Variants in RFTN1 observed in about 807,000 individuals in gnomAD.
The protein encoded by RFTN1 is raftlin.
RFTN1 carries 26 observed loss-of-function variants against 46.5 expected under a neutral mutation model. The observed-to-expected ratio is 0.56, with a 90% CI of 0.41 to 0.78. RFTN1 has a LOEUF of 0.78. Among genes scored for constraint, RFTN1 ranks in the 30% least tolerant of loss-of-function variants. The pLI is 0.00. For synonymous variants in RFTN1, 261 were observed against 284.2 expected, an observed-to-expected ratio of 0.92 and a Z score of 0.82; for missense variants, 693 against 718.7, an observed-to-expected ratio of 0.96 and a Z score of 0.41.
rs1453606633 is a variant in RFTN1, at chr3:16,493,793, G to A, written c.77C>T (p.Pro26Leu). ...PGNIYSTLKR[P>L]QVETKIDVSY... ...CACATCTATCTTGGTTTCCACCTGA[G>A]GCCTCTTCAAAGTTGAATAAATATT... Residue 26 changes from proline (P) to leucine (L), a missense_variant, in exon 2 of 10, where the codon CCT (proline) becomes CTT (leucine). Transcript: ENST00000334133. 3.7e-6 allele frequency: 6 copies of A among 1,613,976 alleles called. No homozygotes were observed. The highest frequency in any genetic ancestry group is 5.1e-6 in the Non-Finnish European group (6 of 1,180,006).
intron 9 of RFTN1, among the ~76,000 whole-genome samples, chr3:16,319,650 C>G (rs868681744): frequency 2.0e-5 from 3 of 152,304 alleles, no homozygotes; most frequent in Middle Eastern, 3.4e-3. Context: ...CCCCTGGATG[C>G]CTGGCCACAT....
chr3:16,469,896 G>A (rs1235681231), intron 2 of RFTN1, among the ~76,000 whole-genome samples: 2 of 152,312 alleles, frequency 1.3e-5, no homozygotes, highest in Admixed American at 1.3e-4. Context: ...GGTTTATTCT[G>A]CCCCAGCCGC....
chr3:16,478,888 G>C (rs920018419), intron 2 of RFTN1, among the ~76,000 whole-genome samples: 3 of 152,218 alleles, frequency 2.0e-5, no homozygotes, highest in Non-Finnish European at 2.9e-5. Context: ...GAGTAATCAA[G>C]AGAGAGCGGG....
intron 2 of RFTN1, among the ~76,000 whole-genome samples, chr3:16,488,905 C>A (rs936417753): frequency 2.6e-5 from 4 of 152,172 alleles, no homozygotes; most frequent in Admixed American, 2.6e-4. Flanking sequence ...CCTGTGATAG[C>A]CAAAACCTGG....
rs1170424656 is a variant in RFTN1, at chr3:16,512,191, G to A, written c.-9+1251C>T. The stretch of plus-strand genomic sequence containing the variant: ...TTCAGAGATACAAATTAGGAATCCC[G>A]GCAGCAGAGAGGCCCTACCCACAGG... On this transcript the variant is annotated intron_variant, in intron 1 of 9. Transcript: ENST00000334133. This position sits in a 1 kb window ranked among gnomAD's most constrained non-coding sequence, Gnocchi z 4.3. 6.6e-6 allele frequency among the ~76,000 whole-genome samples: 1 copy of A among 152,090 alleles called. No homozygotes were observed. Among genetic ancestry groups the A allele is most frequent in the Admixed American group, 6.6e-5 (1 of 15,266 alleles).
Position 16,428,071 on chromosome 3 carries a change from C to T in RFTN1, c.332+5780G>A, listed in dbSNP as rs577228044. ...ATAAGTTTCTTGAGATCTAGGAGCTCCTTAGAGTCATCTTTGCATAGTGAA... is the reference window on the plus strand; with the variant it reads ...ATAAGTTTCTTGAGATCTAGGAGCTTCTTAGAGTCATCTTTGCATAGTGAA... On this transcript the variant is annotated intron_variant, in intron 3 of 9. Transcript: ENST00000334133. The surrounding 1 kb of genome is among the most constrained non-coding windows in gnomAD (Gnocchi z 4.7). Among the ~76,000 whole-genome samples, 36 of 152,242 alleles carry T rather than the reference C, an allele frequency of 2.4e-4. 3 individuals carry two copies. In the South Asian group the frequency reaches 6.6e-3, roughly 28 times the overall value.
chr3:16,411,553 A>G (rs2074980902), intron 3 of RFTN1, among the ~76,000 whole-genome samples: 1 of 152,238 alleles, frequency 6.6e-6, no homozygotes, highest in African/African-American at 2.4e-5. Context: ...GAATAAACCA[A>G]TTCTGAACCC....
rs3054539 is a variant in RFTN1 at position 16,387,570 on chromosome 3, T to TTC, written c.442-9470_442-9469dup. The stretch of plus-strand genomic sequence containing the variant: ...CACTTCTCTCTTCTATATCCTCAAT[T>TTC]TCTCTCTCTCTCTCTCTCTCTCTCT... On this transcript the variant is annotated intron_variant, in intron 4 of 9. Coordinates refer to ENST00000334133, the MANE Select transcript of RFTN1 (RefSeq NM_015150.2). The surrounding 1 kb of genome is among the most constrained non-coding windows in gnomAD (Gnocchi z 5.2). Among the ~76,000 whole-genome samples the TTC allele has an allele frequency of 0.023, 2,646 of 116,414 alleles. 81 individuals are homozygous for TTC. Among genetic ancestry groups the TTC allele is most frequent in the African/African-American group, 0.039 (1,005 of 25,576 alleles). 76.4% of individuals were successfully genotyped at this position (116,414 alleles called of 152,430 possible). A position where few individuals can be genotyped will look rare whatever the true frequency, so the allele number is the denominator to read the frequency against.
rs751733068 is a variant in RFTN1, at chr3:16,428,937, T to G, written c.332+4914A>C. Among the ~76,000 whole-genome samples the G allele has an allele frequency of 6.6e-6, 1 of 152,242 alleles. No homozygotes were observed. The highest frequency in any genetic ancestry group is 1.5e-5 in the Non-Finnish European group (1 of 68,038). On this transcript the variant is annotated intron_variant, in intron 3 of 9. Coordinates refer to ENST00000334133, the MANE Select transcript of RFTN1 (RefSeq NM_015150.2). This position sits in a 1 kb window ranked among gnomAD's most constrained non-coding sequence, Gnocchi z 4.7. The stretch of plus-strand genomic sequence containing the variant: ...AAGGATCACTTAACTATACTTAGAA[T>G]TCAGAGTGAGTGCAACTATATTGTC...
Position 16,465,301 on chromosome 3 carries a change from A to G in RFTN1, c.145+28424T>C, listed in dbSNP as rs758901943. Among the ~76,000 whole-genome samples the G allele has an allele frequency of 6.6e-6, 1 of 151,994 alleles. No individual in the cohort carries two copies. Among genetic ancestry groups the G allele is most frequent in the Non-Finnish European group, 1.5e-5 (1 of 68,014 alleles). ...AATGAACATATAAGGAAGAAAAATG[A>G]GAAGTATCCTGAAGAATGTGTTCAA... On this transcript the variant is annotated intron_variant, in intron 2 of 9. Coordinates refer to ENST00000334133, the MANE Select transcript of RFTN1 (RefSeq NM_015150.2). This position sits in a 1 kb window ranked among gnomAD's most constrained non-coding sequence, Gnocchi z 5.1.
rs1466140915 is a variant in RFTN1, at chr3:16,384,843, A to G, written c.442-6741T>C. Among the ~76,000 whole-genome samples the G allele has an allele frequency of 6.6e-6, 1 of 152,194 alleles. No homozygotes were observed. Among genetic ancestry groups the G allele is most frequent in the Non-Finnish European group, 1.5e-5 (1 of 68,034 alleles). ...ACCCACCAGCCACTTGTGGCTAGTG[A>G]TGACCCCATGGACAGTGCAGGTGTA... On this transcript the variant is annotated intron_variant, in intron 4 of 9. Coordinates refer to ENST00000334133, the MANE Select transcript of RFTN1 (RefSeq NM_015150.2). This position sits in a 1 kb window ranked among gnomAD's most constrained non-coding sequence, Gnocchi z 4.7.
chr3:16,473,554 C>A lies in RFTN1; in HGVS notation c.145+20171G>T, dbSNP rs1441005275. On this transcript the variant is annotated intron_variant, in intron 2 of 9. Transcript: ENST00000334133. The surrounding 1 kb of genome is among the most constrained non-coding windows in gnomAD (Gnocchi z 5.3). The stretch of plus-strand genomic sequence containing the variant: ...GAGCTGGGACTACAGGCATGCACCG[C>A]CCTGCCTGGCTAATTTTTTTGTATT... Among the ~76,000 whole-genome samples the A allele has an allele frequency of 6.6e-6, 1 of 151,970 alleles. No individual in the cohort carries two copies.
rs1437830157 is a variant in RFTN1 at position 16,506,670 on chromosome 3, T to C, written c.-9+6772A>G. Among the ~76,000 whole-genome samples the C allele has an allele frequency of 1.3e-5, 2 of 151,834 alleles. No homozygotes were observed. The highest frequency in any genetic ancestry group is 6.6e-5 in the Admixed American group (1 of 15,252). On this transcript the variant is annotated intron_variant, in intron 1 of 9. Transcript: ENST00000334133. This position sits in a 1 kb window ranked among gnomAD's most constrained non-coding sequence, Gnocchi z 4.8. ...GAAGCCAGGAGTTAGCCATGTTAAC[T>C]CCACCCAAGCAGAGGTATGCAGTAG...
In RFTN1 at chr3:16,433,775, C is replaced by A; in HGVS notation, c.332+76G>T. 6.7e-7 allele frequency: 1 copy of A among 1,484,854 alleles called. No individual in the cohort carries two copies. Among genetic ancestry groups the A allele is most frequent in the Non-Finnish European group, 9.4e-7 (1 of 1,064,442 alleles). The allele number at this position is 1,484,854 out of a possible 1,614,324, so 92.0% of individuals were successfully genotyped here. A position where few individuals can be genotyped will look rare whatever the true frequency, so the allele number is the denominator to read the frequency against. On this transcript the variant is annotated intron_variant, in intron 3 of 9. Transcript: ENST00000334133. This position sits in a 1 kb window ranked among gnomAD's most constrained non-coding sequence, Gnocchi z 4.4. ...TGCAAATTTCAACCCCCAACCCCATCCTCTCACTTCCCCTCCTCTATTGAG... is the reference window on the plus strand; with the variant it reads ...TGCAAATTTCAACCCCCAACCCCATACTCTCACTTCCCCTCCTCTATTGAG...
intron 2 of RFTN1, chr3:16,482,878 A>C: frequency 6.6e-7 from 1 of 1,517,816 alleles, no homozygotes; most frequent in Admixed American, 2.0e-5. Flanking sequence ...GGAGCCTCCC[A>C]CCGGGGTGAG....
chr3:16,330,198 A>G (rs950248843), intron 7 of RFTN1, among the ~76,000 whole-genome samples: 3 of 152,188 alleles, frequency 2.0e-5, no homozygotes, highest in Admixed American at 6.5e-5. Context: ...TGGCCATCAC[A>G]TGGTGAGTTG....
intron 3 of RFTN1, among the ~76,000 whole-genome samples, chr3:16,420,826 A>C (rs1021861971): frequency 9.9e-5 from 15 of 152,214 alleles, no homozygotes; most frequent in African/African-American, 3.6e-4. Flanking sequence ...CTCAAACTTT[A>C]ATGTATGTGC....
chr3:16,366,938 G>A (rs75645243), intron 6 of RFTN1, among the ~76,000 whole-genome samples: 7,008 of 118,952 alleles, frequency 0.059, no homozygotes, highest in South Asian at 0.2. Context: ...GAGGAGTCCT[G>A]GACACCATGA....
Position 16,448,224 on chromosome 3 carries a change from A to ATAT in RFTN1, c.146-14188_146-14187insATA, listed in dbSNP as rs2075767923. On this transcript the variant is annotated intron_variant, in intron 2 of 9. Coordinates refer to ENST00000334133, the MANE Select transcript of RFTN1 (RefSeq NM_015150.2). This position sits in a 1 kb window ranked among gnomAD's most constrained non-coding sequence, Gnocchi z 4.1. Reference sequence around the variant, plus strand: ...TTAAATAAAATATATCATGAAAATTAACTTGCCTGTTTTTATTTTTTAATG... The same window carrying ATAT: ...TTAAATAAAATATATCATGAAAATTATATACTTGCCTGTTTTTATTTTTTAATG... 1.3e-5 allele frequency among the ~76,000 whole-genome samples: 2 copies of ATAT among 152,190 alleles called. No homozygotes were observed.
Sources: allele counts gnomAD v4.1 joint callset (sites outside exome capture counted in the v4.1 genomes callset), GRCh38; gene constraint gnomAD v4.1.1; non-coding constraint Gnocchi (gnomAD v3.1); transcripts MANE v1.5; gene names NCBI Gene and HGNC (gene_info 2026-07-23, HGNC 2026-07-21).